The following IPO11 variants were observed in gnomAD, a reference collection of about 807,000 sequenced individuals.
IPO11 encodes the protein importin 11.
A neutral mutation model predicts 143.2 loss-of-function variants in IPO11; 66 were observed. The observed-to-expected ratio is 0.46, with a 90% confidence interval of 0.38 to 0.57. The LOEUF (loss-of-function observed/expected upper bound fraction) is 0.57, where lower values mean the gene tolerates loss of function less well. Ranked by LOEUF, IPO11 falls within the 20% of genes least tolerant of loss-of-function variation. IPO11 has a pLI of 0.00. For missense variants in IPO11, 1,026 were observed against 1,141.0 expected, an observed-to-expected ratio of 0.90 and a Z score of 1.45; for synonymous variants, 385 against 377.8, an observed-to-expected ratio of 1.02 and a Z score of -0.22.
intron 29 of IPO11, among the ~76,000 whole-genome samples, chr5:62,619,591 C>T (rs1746270141): frequency 1.3e-5 from 2 of 151,958 alleles, no homozygotes; most frequent in Non-Finnish European, 1.5e-5. Context: ...TGGTGGCTCA[C>T]GCTTGTAATC....
At chr5:62,493,926 A>G in intron 15 of IPO11, 72 bp from the exon 16 acceptor site, 1 of 1,340,686 alleles carries the variant, frequency 7.5e-7, no homozygotes, top group Non-Finnish European at 1.0e-6. Flanking sequence ...GATTTAAATG[A>G]TAAATTATAC....
rs1335702007 is a variant in IPO11, at chr5:62,557,543, T to G, written c.2461-3593T>G. On this transcript the variant is annotated intron_variant, in intron 26 of 29. Transcript: ENST00000325324. ...CCTGGTCTCTCACTTCCCATTGACATATCATTTGTTTTGACAGGAAATCAG... is the reference window on the plus strand; with the variant it reads ...CCTGGTCTCTCACTTCCCATTGACAGATCATTTGTTTTGACAGGAAATCAG... Among the ~76,000 whole-genome samples, 3 of 152,174 alleles carry G rather than the reference T, an allele frequency of 2.0e-5. No individual in the cohort carries two copies. In the East Asian group the frequency reaches 5.8e-4, roughly 29 times the overall value.
intron 16 of IPO11, among the ~76,000 whole-genome samples, chr5:62,496,349 A>G (rs1741157338): frequency 6.6e-6 from 1 of 152,032 alleles, no homozygotes; most frequent in South Asian, 2.1e-4. Context: ...TGACTAATAC[A>G]TTAATATTCA....
At chr5:62,535,297 C>T (rs571907943) in intron 22 of IPO11, among the ~76,000 whole-genome samples, 4 of 151,880 alleles carry the variant, frequency 2.6e-5, no homozygotes, top group African/African-American at 4.8e-5. Flanking sequence ...TTCCCTGATA[C>T]GTCTGGAATG....
At chr5:62,517,250 A>C (rs1742055369) in intron 20 of IPO11, among the ~76,000 whole-genome samples, 1 of 152,142 alleles carries the variant, frequency 6.6e-6, no homozygotes, top group Non-Finnish European at 1.5e-5. Flanking sequence ...TCTACCTTTT[A>C]ATGCTTATGA....
chr5:62,624,497 C>G (rs1746489649), intron 29 of IPO11, among the ~76,000 whole-genome samples: 2 of 152,178 alleles, frequency 1.3e-5, no homozygotes, highest in South Asian at 4.1e-4. Context: ...AAGATGACCA[C>G]AGGTCACTTT....
intron 1 of IPO11, among the ~76,000 whole-genome samples, chr5:62,425,411 G>A (rs1379379403): frequency 6.6e-6 from 1 of 152,150 alleles, no homozygotes; most frequent in Non-Finnish European, 1.5e-5. Flanking sequence ...TCCGCCTCCT[G>A]GGTTCAGGCG....
intron 27 of IPO11, 111 bp from the exon 28 acceptor site, chr5:62,591,466 A>T (rs1001953255): frequency 1.6e-6 from 1 of 632,660 alleles, no homozygotes; most frequent in Non-Finnish European, 2.7e-6. Flanking sequence ...TTTCTTTTGT[A>T]TTTCACAGCT....
chr5:62,596,034 G>T (rs980078471), intron 28 of IPO11, among the ~76,000 whole-genome samples: 3 of 150,988 alleles, frequency 2.0e-5, no homozygotes, highest in Non-Finnish European at 4.4e-5. Context: ...CGAGACGGTA[G>T]AATCGCTTGA....
At chr5:62,484,258 C>A (rs1746315869) in intron 11 of IPO11, 96 bp downstream of exon 11, 1 of 986,200 alleles carries the variant, frequency 1.0e-6, no homozygotes, top group Non-Finnish European at 1.4e-6. Flanking sequence ...TCATACAGCA[C>A]TTTTGATCTG....
At position 62,550,575 on chromosome 5, in the gene IPO11, T is replaced by C. The variant is rs1743354312; in HGVS notation, c.2346+113T>C. 4.4e-6 allele frequency: 3 copies of C among 683,770 alleles called. No homozygotes were observed. In the East Asian group the frequency reaches 8.6e-5, roughly 20 times the overall value. The allele number at this position is 683,770 out of a possible 1,614,324, so 42.4% of individuals were successfully genotyped here. Reference sequence around the variant, plus strand: ...TCTTGTCATTTGGATCATATTAAATTATGTTAAATTTTCAGGGCGGTTAGA... The same window carrying C: ...TCTTGTCATTTGGATCATATTAAATCATGTTAAATTTTCAGGGCGGTTAGA... On this transcript the variant is annotated intron_variant, in intron 25 of 29. Coordinates refer to ENST00000325324, the MANE Select transcript of IPO11 (RefSeq NM_016338.5).
chr5:62,495,118 C>T (rs1281058605), intron 16 of IPO11, among the ~76,000 whole-genome samples: 1 of 152,080 alleles, frequency 6.6e-6, no homozygotes, highest in Admixed American at 6.5e-5. Flanking sequence ...GATTTTCTAC[C>T]TAAGTATTAT....
chr5:62,561,294 G>A (rs755769487), intron 27 of IPO11, 37 bp downstream of exon 27: 1 of 496,210 alleles, frequency 2.0e-6, no homozygotes, highest in Non-Finnish European at 3.0e-6. Context: ...TTTCTTTCAA[G>A]CATCAAAATG....
At chr5:62,419,202 G>A in intron 1 of IPO11, 8 of 1,476,814 alleles carry the variant, frequency 5.4e-6, no homozygotes, top group Non-Finnish European at 7.2e-6. Context: ...GTAAAAAATG[G>A]TACATCTGTA....
rs66748975 is a variant in IPO11, at chr5:62,568,574, CAAAA to C, written c.2582+7337_2582+7340del. 4.2e-4 allele frequency among the ~76,000 whole-genome samples: 22 copies of C among 51,900 alleles called. No homozygotes were observed. In the South Asian group the frequency reaches 4.6e-3, roughly 11 times the overall value. 34.0% of individuals were successfully genotyped at this position (51,900 alleles called of 152,430 possible). ...GGGCGACAGAGCAAGACTCTGTCTC[CAAAA>C]AAAAAAAAAAAAAAAAAAATTCAAT... On this transcript the variant is annotated intron_variant, in intron 27 of 29. Transcript: ENST00000325324.
At chr5:62,429,646 CAG>C (rs1254380868) in intron 1 of IPO11, among the ~76,000 whole-genome samples, 1 of 146,252 alleles carries the variant, frequency 6.8e-6, no homozygotes. Flanking sequence ...ATTTTTGAGA[CAG>C]AGTCTCGCTC....
intron 27 of IPO11, among the ~76,000 whole-genome samples, chr5:62,562,538 C>T (rs1038534515): frequency 1.3e-5 from 2 of 152,182 alleles, no homozygotes; most frequent in Non-Finnish European, 1.5e-5. Context: ...GAATCTAATG[C>T]CACCACTGAT....
chr5:62,570,923 A>G (rs778832466), intron 27 of IPO11, among the ~76,000 whole-genome samples: 10 of 152,228 alleles, frequency 6.6e-5, no homozygotes, highest in Admixed American at 1.3e-4. Flanking sequence ...TACAATGAGA[A>G]TAAGAGATGT....
chr5:62,495,238 C>T (rs901970001), intron 16 of IPO11, among the ~76,000 whole-genome samples: 1 of 152,160 alleles, frequency 6.6e-6, no homozygotes, highest in African/African-American at 2.4e-5. Context: ...GGTTTACATT[C>T]TTAGAAATTT....
Sources: gnomAD v4.1 joint callset for allele counts (sites outside exome capture counted in the v4.1 genomes callset) on GRCh38, gnomAD v4.1.1 for gene constraint, MANE v1.5 for transcripts, NCBI Gene and HGNC (gene_info 2026-07-23, HGNC 2026-07-21) for gene names.